The following PCDHA8 variants were observed in gnomAD, a reference collection of about 807,000 sequenced individuals.
PCDHA8 encodes protocadherin alpha-8.
A neutral mutation model predicts 61.8 loss-of-function variants in PCDHA8; 53 were observed. The observed-to-expected ratio is 0.86, with a 90% CI of 0.69 to 1.08. PCDHA8 has a LOEUF of 1.08. Among genes scored for constraint, PCDHA8 ranks in the 50% least tolerant of loss-of-function variants. PCDHA8 has a pLI of 0.00. For synonymous variants in PCDHA8, 618 were observed against 556.6 expected, an observed-to-expected ratio of 1.11 and a Z score of -1.55; for missense variants, 1,293 against 1,245.0, an observed-to-expected ratio of 1.04 and a Z score of -0.58.
At chr5:140,850,703 G>A (rs1191486729) in intron 1 of PCDHA8, 2 of 1,598,114 alleles carry the variant, frequency 1.3e-6, no homozygotes, top group African/African-American at 2.7e-5. Flanking sequence ...CGCCTGGCAA[G>A]CCGACGCTGG....
chr5:140,897,178 CA>C (rs1414076017), intron 1 of PCDHA8, among the ~76,000 whole-genome samples: 4 of 151,978 alleles, frequency 2.6e-5, no homozygotes, highest in South Asian at 2.1e-4. Context: ...TCCATGGGTT[CA>C]AAAAATATAT....
At chr5:140,871,043 T>A (rs763700203) in intron 1 of PCDHA8, 1 of 1,613,370 alleles carries the variant, frequency 6.2e-7, no homozygotes, top group Non-Finnish European at 8.5e-7. Context: ...CACCGACTTC[T>A]AGTACTGGTG....
chr5:140,850,322 C>A (rs2150479524), intron 1 of PCDHA8: 3 of 1,597,382 alleles, frequency 1.9e-6, no homozygotes, highest in African/African-American at 1.3e-5. Context: ...GGCTTTCATA[C>A]GAGCTGCAGC....
At chr5:140,965,352 T>C (rs1474672624) in intron 1 of PCDHA8, among the ~76,000 whole-genome samples, 1 of 152,166 alleles carries the variant, frequency 6.6e-6, no homozygotes, top group Admixed American at 6.5e-5. Context: ...GTTGCCTCTA[T>C]AGCAGTACAA....
chr5:140,857,572 G>A lies in PCDHA8; in HGVS notation c.2394+13857G>A, dbSNP rs144978636. ...AGCGCTCGCTGTCGAGCTACGTGTCGGTGCACGCGGAGAGCGGCAAGGTGT... is the reference window on the plus strand; with the variant it reads ...AGCGCTCGCTGTCGAGCTACGTGTCAGTGCACGCGGAGAGCGGCAAGGTGT... On this transcript the variant is annotated intron_variant, in intron 1 of 3. Transcript: ENST00000531613. 1.4e-3 allele frequency: 2,186 copies of A among 1,596,706 alleles called. 111 individuals are homozygous for A. In the African/African-American group the frequency reaches 0.025, roughly 18 times the overall value.
At chr5:140,922,016 AT>A (rs1213488839) in intron 1 of PCDHA8, among the ~76,000 whole-genome samples, 20 of 152,076 alleles carry the variant, frequency 1.3e-4, no homozygotes, top group Admixed American at 1.2e-3. Flanking sequence ...GTTTAAAAAA[AT>A]AAATATAAAA....
chr5:140,876,138 A>G (rs781923596), intron 1 of PCDHA8: 1 of 1,613,952 alleles, frequency 6.2e-7, no homozygotes. Context: ...AACCAGAACT[A>G]ACAGGGTCTG....
At position 140,842,947 on chromosome 5, in the gene PCDHA8, G is replaced by A; in HGVS notation, c.1626G>A (p.Val542=). The A allele has an allele frequency of 6.3e-7, 1 of 1,594,658 alleles. No homozygotes were observed. The highest frequency in any genetic ancestry group is 8.6e-7 in the Non-Finnish European group (1 of 1,165,490). The change falls in exon 1 of 4, where the codon GTG becomes GTA. Residue 542 remains valine (V), a synonymous_variant. Coordinates refer to ENST00000531613, the MANE Select transcript of PCDHA8 (RefSeq NM_018911.3). ...QFQVSARDAG[V]PPLGSNVTLQ... is the part of the protein sequence containing the mutation. The stretch of plus-strand genomic sequence containing the variant: ...AGGTGAGCGCGCGCGACGCGGGCGT[G>A]CCGCCTCTGGGCAGCAACGTGACGC...
In PCDHA8 at chr5:140,841,424, G is replaced by A; in HGVS notation, c.103G>A (p.Val35Ile). 6.2e-7 allele frequency: 1 copy of A among 1,612,920 alleles called. No individual in the cohort carries two copies. The highest frequency in any genetic ancestry group is 8.5e-7 in the Non-Finnish European group (1 of 1,179,864). ...KVGSGQLHYS[V>I]PEEAKHGTFV... The stretch of plus-strand genomic sequence containing the variant: ...GGGGAGCGGCCAGCTCCACTACTCC[G>A]TCCCCGAGGAGGCCAAACACGGCAC... The change falls in exon 1 of 4, where the codon GTC becomes ATC. Residue 35 changes from valine (V) to isoleucine (I), a missense_variant. Val to Ile is a conservative substitution (Grantham distance 29). Coordinates refer to ENST00000531613, the MANE Select transcript of PCDHA8 (RefSeq NM_018911.3).
intron 1 of PCDHA8, chr5:140,852,540 T>C (rs2042365711): frequency 9.3e-6 from 5 of 536,720 alleles, no homozygotes; most frequent in Non-Finnish European, 1.2e-5. Flanking sequence ...CCTCCCAAAG[T>C]GCTGGGATTA....
chr5:140,967,800 TGGCA>T, intron 1 of PCDHA8: 1 of 1,614,174 alleles, frequency 6.2e-7, no homozygotes, highest in Non-Finnish European at 8.5e-7. Context: ...CCAGTGCCCA[TGGCA>T]GGTCACTGCA....
intron 1 of PCDHA8, chr5:140,968,169 G>A (rs781969621): frequency 6.8e-6 from 11 of 1,613,982 alleles, no homozygotes; most frequent in African/African-American, 1.3e-5. Context: ...AATCCACCAA[G>A]CTTCCTGGAG....
intron 3 of PCDHA8, among the ~76,000 whole-genome samples, chr5:141,003,897 T>G (rs1554259369): frequency 6.6e-6 from 1 of 152,132 alleles, no homozygotes; most frequent in Non-Finnish European, 1.5e-5. Flanking sequence ...ACAGGCCCAT[T>G]CATTTGGGTC....
chr5:140,851,920 T>C (rs2042197222), intron 1 of PCDHA8: 1 of 967,994 alleles, frequency 1.0e-6, no homozygotes, highest in African/African-American at 1.8e-5. Context: ...CTACATGTTA[T>C]GTTTCCTGAA....
intron 1 of PCDHA8, chr5:140,848,269 G>A: frequency 2.0e-6 from 1 of 502,308 alleles, no homozygotes; most frequent in Non-Finnish European, 3.5e-6. Context: ...TTTTATTCAT[G>A]AAATATGTAC....
intron 1 of PCDHA8, among the ~76,000 whole-genome samples, chr5:140,898,083 A>G (rs2066516404): frequency 6.6e-6 from 1 of 151,810 alleles, no homozygotes; most frequent in South Asian, 2.1e-4. Context: ...TAGATTCTGG[A>G]TATTAGCCCT....
rs1554139371 is a variant in PCDHA8, at chr5:140,842,787, T to C, written c.1466T>C (p.Leu489Pro). Residue 489 changes from leucine (L) to proline (P), a missense_variant, in exon 1 of 4, where the codon CTG (leucine) becomes CCG (proline). Coordinates refer to ENST00000531613, the MANE Select transcript of PCDHA8 (RefSeq NM_018911.3). ...GACGCGGACGCGCAGGAGAACGCGC[T>C]GGTGTCCTACTCGCTTGTGGAGCGG... ...ARDADAQENA[L>P]VSYSLVERRV... 6.3e-7 allele frequency: 1 copy of C among 1,594,358 alleles called. No individual in the cohort carries two copies. Among genetic ancestry groups the C allele is most frequent in the Non-Finnish European group, 8.6e-7 (1 of 1,165,406 alleles).
chr5:140,912,897 G>A (rs782442093), intron 1 of PCDHA8, among the ~76,000 whole-genome samples: 5 of 152,172 alleles, frequency 3.3e-5, no homozygotes, highest in Non-Finnish European at 5.9e-5. Context: ...TTGATATGAT[G>A]TATCATATTG....
chr5:140,955,676 C>T (rs374545278), intron 1 of PCDHA8, among the ~76,000 whole-genome samples: 40 of 152,096 alleles, frequency 2.6e-4, no homozygotes, highest in African/African-American at 8.7e-4. Context: ...ATAGTTTTTT[C>T]GAAATCTGTG....
Sources: allele counts gnomAD v4.1 joint callset (sites outside exome capture counted in the v4.1 genomes callset), GRCh38; gene constraint gnomAD v4.1.1; transcripts MANE v1.5; gene names NCBI Gene and HGNC (gene_info 2026-07-23, HGNC 2026-07-21).